The following RASA3 variants were observed in gnomAD, a reference collection of about 807,000 sequenced individuals.
RASA3 encodes ras GTPase-activating protein 3.
Under a neutral mutation model 110.0 loss-of-function variants are expected in RASA3, and 73 were observed. That is an observed-to-expected ratio of 0.66 (90% confidence interval 0.55 to 0.81). The LOEUF is 0.81. Among genes scored for constraint, RASA3 ranks in the 30% least tolerant of loss-of-function variants. The pLI, the probability that RASA3 is intolerant of heterozygous loss-of-function variation, is 0.00. For missense variants in RASA3, 976 were observed against 1,113.2 expected, an observed-to-expected ratio of 0.88 and a Z score of 1.75; for synonymous variants, 500 against 451.4, an observed-to-expected ratio of 1.11 and a Z score of -1.37.
intron 3 of RASA3, 58 bp from the exon 4 acceptor site, chr13:114,041,152 T>A: frequency 6.9e-7 from 1 of 1,453,656 alleles, no homozygotes; most frequent in Non-Finnish European, 9.7e-7. Context: ...CCAGGACGCC[T>A]GTGAGCAGAA....
intron 18 of RASA3, 22 bp from the exon 19 acceptor site, chr13:114,000,954 C>G (rs896160722): frequency 6.5e-6 from 10 of 1,540,858 alleles, no homozygotes; most frequent in African/African-American, 1.4e-5. Flanking sequence ...GCACACAGGG[C>G]CGGGGTCCGG....
chr13:114,129,392 G>T (rs568745776), intron 1 of RASA3, among the ~76,000 whole-genome samples: 2 of 152,160 alleles, frequency 1.3e-5, no homozygotes, highest in African/African-American at 4.8e-5. Flanking sequence ...TCACTTCTAC[G>T]TGGCGCTCTC....
intron 1 of RASA3, among the ~76,000 whole-genome samples, chr13:114,075,994 G>T (rs1002576196): frequency 2.7e-5 from 4 of 149,274 alleles, no homozygotes; most frequent in African/African-American, 9.9e-5. Context: ...AGCCTCCCGT[G>T]TCGGCGCCGC....
intron 2 of RASA3, among the ~76,000 whole-genome samples, chr13:114,072,712 C>G (rs1245276324): frequency 6.6e-6 from 1 of 152,210 alleles, no homozygotes; most frequent in Non-Finnish European, 1.5e-5. Flanking sequence ...AGAAGCTCAG[C>G]TGCCTGCACA....
In RASA3 at chr13:113,989,973, G is replaced by A. The variant is rs114349622; in HGVS notation, c.2245+2512C>T. On this transcript the variant is annotated intron_variant, in intron 22 of 23. Transcript: ENST00000334062. The stretch of plus-strand genomic sequence containing the variant: ...TCCCTAGTGTTGGAGGAGGGGCCTG[G>A]AGGAAGGAGAGGGGATCATGGGGAC... Among the ~76,000 whole-genome samples the A allele has an allele frequency of 8.5e-3, 1,299 of 152,312 alleles. 22 individuals are homozygous for A. The highest frequency in any genetic ancestry group is 0.029 in the African/African-American group (1,222 of 41,560).
Position 114,057,607 on chromosome 13 carries a change from C to T in RASA3, c.174-5452G>A. 4 of 767,958 alleles carry T rather than the reference C, an allele frequency of 5.2e-6. No homozygotes were observed. The highest frequency in any genetic ancestry group is 5.9e-5 in the South Asian group (1 of 16,936). The allele number at this position is 767,958 out of a possible 1,614,324, so 47.6% of individuals were successfully genotyped here. ...TCCCCACAATGACTGTGCACAGAGC[C>T]AGCCTGACACCCAAGGCCACGATGC... On this transcript the variant is annotated intron_variant, in intron 2 of 23. Coordinates refer to ENST00000334062, the MANE Select transcript of RASA3 (RefSeq NM_007368.4). The surrounding 1 kb of genome is among the most constrained non-coding windows in gnomAD (Gnocchi z 5.0).
chr13:114,052,679 G>C (rs762291802), intron 2 of RASA3, among the ~76,000 whole-genome samples: 2 of 151,764 alleles, frequency 1.3e-5, no homozygotes, highest in African/African-American at 2.4e-5. Flanking sequence ...CTCGCTCCTG[G>C]GGGAGAGGCC....
chr13:114,021,557 T>G, intron 8 of RASA3, 49 bp from the exon 9 acceptor site: 4 of 1,476,424 alleles, frequency 2.7e-6, no homozygotes, highest in African/African-American at 1.4e-5. Context: ...GCAGCCCGTG[T>G]GGAGCAAAGA....
chr13:114,099,524 C>A (rs967295626), intron 1 of RASA3, among the ~76,000 whole-genome samples: 1 of 151,640 alleles, frequency 6.6e-6, no homozygotes, highest in East Asian at 1.9e-4. Flanking sequence ...TCACACAGCG[C>A]GTCTCCCTCC....
chr13:113,999,531 G>A, intron 20 of RASA3, 54 bp downstream of exon 20: 2 of 1,465,284 alleles, frequency 1.4e-6, no homozygotes, highest in Non-Finnish European at 1.9e-6. Context: ...AGAGAGCAGA[G>A]AAAACCTGGC....
intron 17 of RASA3, among the ~76,000 whole-genome samples, chr13:114,007,829 C>T (rs1223693314): frequency 6.6e-6 from 1 of 152,244 alleles, no homozygotes; most frequent in Admixed American, 6.5e-5. Context: ...AGGCCGGGCT[C>T]AGGCAACACC....
chr13:114,092,743 G>A (rs939232634), intron 1 of RASA3, among the ~76,000 whole-genome samples: 14 of 152,220 alleles, frequency 9.2e-5, no homozygotes, highest in South Asian at 4.1e-4. Context: ...TGACCTTCCC[G>A]TTGCTGAAAG....
intron 1 of RASA3, among the ~76,000 whole-genome samples, chr13:114,095,691 C>CT (rs1385036049): frequency 1.3e-5 from 2 of 152,088 alleles, no homozygotes; most frequent in African/African-American, 4.8e-5. Flanking sequence ...GAGAGGCACT[C>CT]TGAGGGACAG....
intron 22 of RASA3, among the ~76,000 whole-genome samples, chr13:113,991,599 C>T (rs1316307): frequency 0.71 from 107,468 of 152,142 alleles, 38,815 homozygotes; most frequent in African/African-American, 0.87. Flanking sequence ...TGTGGTCTAA[C>T]TGGGCTTATC....
Position 114,014,742 on chromosome 13 carries a change from G to A in RASA3, c.1405+467C>T, listed in dbSNP as rs1018902408. On this transcript the variant is annotated intron_variant, in intron 14 of 23. Transcript: ENST00000334062. The surrounding 1 kb of genome is among the most constrained non-coding windows in gnomAD (Gnocchi z 4.5). Reference sequence around the variant, plus strand: ...GCTCCCCCAGGGGTCCTGTCTCTTCGAAGACACGGGCAGGCAGAGCCCCCA... The same window carrying A: ...GCTCCCCCAGGGGTCCTGTCTCTTCAAAGACACGGGCAGGCAGAGCCCCCA... Among the ~76,000 whole-genome samples the A allele has an allele frequency of 1.3e-5, 2 of 152,072 alleles. No individual in the cohort carries two copies. The highest frequency in any genetic ancestry group is 2.9e-5 in the Non-Finnish European group (2 of 67,972).
At chr13:114,110,768 G>A (rs9805458) in intron 1 of RASA3, among the ~76,000 whole-genome samples, 23,945 of 152,192 alleles carry the variant, frequency 0.16, 1,933 homozygotes, top group Middle Eastern at 0.28. Context: ...AGCCCGGACC[G>A]GAGCCTCAGA....
intron 12 of RASA3, among the ~76,000 whole-genome samples, chr13:114,016,978 C>A (rs181109174): frequency 6.6e-6 from 1 of 152,314 alleles, no homozygotes; most frequent in Admixed American, 6.5e-5. Flanking sequence ...AAGAGCCAGG[C>A]TTTTCTTGCA....
chr13:114,114,534 C>T lies in RASA3; in HGVS notation c.55+17901G>A, dbSNP rs914059218. On this transcript the variant is annotated intron_variant, in intron 1 of 23. Coordinates refer to ENST00000334062, the MANE Select transcript of RASA3 (RefSeq NM_007368.4). This position sits in a 1 kb window ranked among gnomAD's most constrained non-coding sequence, Gnocchi z 4.8. ...CTACCCATTCACTTGCTAAATGGTG[C>T]AAAATGGGCCCAGACCCTCATTTTA... Among the ~76,000 whole-genome samples, 1 of 152,224 alleles carries T rather than the reference C, an allele frequency of 6.6e-6. No individual in the cohort carries two copies. The highest frequency in any genetic ancestry group is 2.4e-5 in the African/African-American group (1 of 41,448).
intron 16 of RASA3, among the ~76,000 whole-genome samples, chr13:114,009,683 C>G (rs1329910825): frequency 6.6e-6 from 1 of 152,228 alleles, no homozygotes; most frequent in Non-Finnish European, 1.5e-5. Flanking sequence ...TGCCAGTGCC[C>G]GTGAGGTCTC....
Sources: allele counts gnomAD v4.1 joint callset (sites outside exome capture counted in the v4.1 genomes callset), GRCh38; gene constraint gnomAD v4.1.1; non-coding constraint Gnocchi (gnomAD v3.1); transcripts MANE v1.5; gene names NCBI Gene and HGNC (gene_info 2026-07-23, HGNC 2026-07-21).